The following SEC16B variants were observed in gnomAD, a reference collection of about 807,000 sequenced individuals.
SEC16B encodes protein transport protein Sec16B.
In SEC16B, 115 loss-of-function variants were observed where a neutral mutation model predicts 141.8. That is an observed-to-expected ratio of 0.81 (90% CI 0.70 to 0.95). The LOEUF is 0.95. SEC16B is among the 40% of genes least tolerant of loss of function. The pLI is 0.00. For synonymous variants in SEC16B, 493 were observed against 492.5 expected (o/e 1.00, Z -0.01); for missense variants, 1,291 against 1,312.3 (o/e 0.98, Z 0.25).
chr1:177,932,629 G>C (rs1343794872), intron 23 of SEC16B, 60 bp from the exon 24 acceptor site: 3 of 1,501,346 alleles, frequency 2.0e-6, no homozygotes, highest in African/African-American at 1.4e-5. Context: ...CCCACTCCCA[G>C]AAGGCACCCC....
chr1:177,967,728 C>G lies in SEC16B; in HGVS notation c.254G>C (p.Gly85Ala). The G allele has an allele frequency of 2.5e-6, 4 of 1,612,810 alleles. No homozygotes were observed. The highest frequency in any genetic ancestry group is 3.4e-6 in the Non-Finnish European group (4 of 1,178,940). The change falls in exon 2 of 26, where the codon GGA becomes GCA. Residue 85 changes from glycine to alanine, a missense_variant. Coordinates refer to ENST00000308284, the MANE Select transcript of SEC16B (RefSeq NM_033127.4). ...RPGDWHQPVS[G>A]VDYYEGGYRN... ...ATAACCACCTTCGTAATAGTCAACT[C>G]CAGACACAGGCTGATGCCAGTCCCC...
Position 177,951,155 on chromosome 1 carries a change from G to T in SEC16B, c.1545+759C>A, listed in dbSNP as rs181574162. On this transcript the variant is annotated intron_variant, in intron 12 of 25. Coordinates refer to ENST00000308284, the MANE Select transcript of SEC16B (RefSeq NM_033127.4). ...TGAAATATGTGTACATGGAATTCCT[G>T]AAAAGGAAACCAAAATAATGGGAAC... 3.8e-3 allele frequency among the ~76,000 whole-genome samples: 574 copies of T among 152,264 alleles called. 2 individuals carry two copies. The highest frequency in any genetic ancestry group is 0.013 in the African/African-American group (545 of 41,556).
intron 13 of SEC16B, 132 bp downstream of exon 13, chr1:177,947,693 G>A (rs1042373045): frequency 1.6e-5 from 7 of 451,166 alleles, no homozygotes; most frequent in South Asian, 4.8e-5. Context: ...TGACCTGGAC[G>A]GGGAGGGGAG....
intron 2 of SEC16B, among the ~76,000 whole-genome samples, chr1:177,967,178 A>G (rs1653594713): frequency 6.6e-6 from 1 of 152,016 alleles, no homozygotes. Context: ...CATTCATTCA[A>G]TACAGATTAT....
At chr1:177,971,898 G>A (rs1188992609), upstream of SEC16B, among the ~76,000 whole-genome samples, 1 of 152,186 alleles carries the variant, frequency 6.6e-6, no homozygotes, top group African/African-American at 2.4e-5. Context: ...CCACCATGGT[G>A]GGAGTATTTA....
upstream of SEC16B, among the ~76,000 whole-genome samples, chr1:177,974,827 A>G (rs1262807080): frequency 6.6e-6 from 1 of 152,234 alleles, no homozygotes; most frequent in Non-Finnish European, 1.5e-5. Flanking sequence ...GCTGATTCAT[A>G]TGAAGAGACT....
In SEC16B at chr1:177,954,281, A is replaced by G; in HGVS notation, c.1461T>C (p.Ser487=). 1 of 1,561,850 alleles carries G rather than the reference A, an allele frequency of 6.4e-7. No homozygotes were observed. The highest frequency in any genetic ancestry group is 1.2e-5 in the South Asian group (1 of 84,584). Residue 487 remains serine (S), a splice_region_variant and synonymous_variant, in exon 11 of 26, where the codon AGT becomes AGC. Coordinates refer to ENST00000308284, the MANE Select transcript of SEC16B (RefSeq NM_033127.4). ...MDPQTYSWVM[S]GFTSTLALND... is the part of the protein sequence containing the mutation. ...TCTTTTGTTAAGTCCTGACTCACCC[A>G]CTCATGACCCAGCTGTAGGTCTGTG...
chr1:177,968,770 T>A (rs113632134), intron 1 of SEC16B, among the ~76,000 whole-genome samples: 165 of 152,316 alleles, frequency 1.1e-3, no homozygotes, highest in African/African-American at 3.8e-3. Context: ...CTATATAATA[T>A]GGTCATACCT....
chr1:177,931,445 TA>T (rs199793931), intron 24 of SEC16B, among the ~76,000 whole-genome samples: 2 of 151,976 alleles, frequency 1.3e-5, no homozygotes, highest in East Asian at 1.9e-4. Flanking sequence ...GGGTCAGGGA[TA>T]AAAAAAACTA....
intron 18 of SEC16B, among the ~76,000 whole-genome samples, chr1:177,939,150 C>T (rs1333992383): frequency 6.6e-6 from 1 of 152,222 alleles, no homozygotes; most frequent in Non-Finnish European, 1.5e-5. Flanking sequence ...GGCCCTTTCC[C>T]GGCCCTACTG....
At chr1:177,984,178 T>C (rs1363496768) in intron 1 of SEC16B, 1 of 152,220 alleles carries the variant, frequency 6.6e-6, no homozygotes, top group Non-Finnish European at 1.5e-5. Context: ...TTTGGGTTAA[T>C]TGGTTAATGG....
At chr1:177,964,441 AC>A in intron 4 of SEC16B, among the ~76,000 whole-genome samples, 162 bp from the exon 5 acceptor site, 1 of 152,286 alleles carries the variant, frequency 6.6e-6, no homozygotes, top group African/African-American at 2.4e-5. Flanking sequence ...ACCTCAATCT[AC>A]TAATCCCAGA....
intron 2 of SEC16B, among the ~76,000 whole-genome samples, 193 bp from the exon 3 acceptor site, chr1:177,966,198 C>T (rs759448614): frequency 6.6e-6 from 1 of 152,196 alleles, no homozygotes; most frequent in Non-Finnish European, 1.5e-5. Context: ...TGTTGCACAA[C>T]AGGAGTAGAA....
At chr1:177,956,211 A>G (rs1305050545) in intron 10 of SEC16B, among the ~76,000 whole-genome samples, 2 of 152,100 alleles carry the variant, frequency 1.3e-5, no homozygotes, top group Admixed American at 6.6e-5. Context: ...AAACACGGCC[A>G]CCTCCATTCA....
intron 1 of SEC16B, among the ~76,000 whole-genome samples, chr1:177,983,699 C>T (rs918295061): frequency 2.0e-5 from 3 of 152,118 alleles, no homozygotes; most frequent in Admixed American, 2.0e-4. Context: ...GGCACCACAC[C>T]CCTAGCCATC....
intron 11 of SEC16B, among the ~76,000 whole-genome samples, chr1:177,954,058 GCAATTGTA>G: frequency 1.3e-5 from 2 of 152,194 alleles, no homozygotes; most frequent in African/African-American, 4.8e-5. Flanking sequence ...CTCACTCTGG[GCAATTGTA>G]CTAAAATTTT....
rs574323233 is a variant in SEC16B, at chr1:177,936,383, A to G, written c.2504-18T>C. Reference sequence around the variant, plus strand: ...GTTCTCTCCTGCATCACAAACAGAAATGGAAATAGCAATTGGAAGTTGTGC... The same window carrying G: ...GTTCTCTCCTGCATCACAAACAGAAGTGGAAATAGCAATTGGAAGTTGTGC... On this transcript the variant is annotated intron_variant, in intron 19 of 25. Coordinates refer to ENST00000308284, the MANE Select transcript of SEC16B (RefSeq NM_033127.4). 7 of 1,596,678 alleles carry G rather than the reference A, an allele frequency of 4.4e-6. No homozygotes were observed. The highest frequency in any genetic ancestry group is 5.1e-6 in the Non-Finnish European group (6 of 1,169,218).
At chr1:177,980,010 G>C (rs1179128757) in intron 1 of SEC16B, among the ~76,000 whole-genome samples, 1 of 152,198 alleles carries the variant, frequency 6.6e-6, no homozygotes, top group Non-Finnish European at 1.5e-5. Context: ...TGTGTCTGCT[G>C]TCATTACAAG....
At position 177,958,825 on chromosome 1, in the gene SEC16B, C is replaced by G; in HGVS notation, c.1134+15G>C. The G allele has an allele frequency of 6.2e-7, 1 of 1,606,774 alleles. No homozygotes were observed. Among genetic ancestry groups the G allele is most frequent in the Non-Finnish European group, 8.5e-7 (1 of 1,175,328 alleles). The stretch of plus-strand genomic sequence containing the variant: ...TTTCAGCCTGCACCTGCTCTCCCAC[C>G]AGAACAGAACTTACCCCATTCTGGC... On this transcript the variant is annotated intron_variant, in intron 9 of 25. Transcript: ENST00000308284.
Sources: allele counts gnomAD v4.1 joint callset (sites outside exome capture counted in the v4.1 genomes callset), GRCh38; gene constraint gnomAD v4.1.1; transcripts MANE v1.5; gene names NCBI Gene and HGNC (gene_info 2026-07-23, HGNC 2026-07-21).